The following ANKRD46 variants were observed in gnomAD, a reference collection of about 807,000 sequenced individuals.
ANKRD46 encodes ankyrin repeat domain 46, also known as ankyrin repeat domain-containing protein 46.
In ANKRD46, 13 loss-of-function variants were observed where a neutral mutation model predicts 19.8. That is an observed-to-expected ratio of 0.66 (90% CI 0.43 to 1.04). The LOEUF is 1.04. ANKRD46 is among the 50% of genes least tolerant of loss of function. The pLI is 0.00. For missense variants in ANKRD46, 185 were observed against 274.8 expected (o/e 0.67, Z 2.31); for synonymous variants, 91 against 106.9 (o/e 0.85, Z 0.92).
At chr8:100,517,524 T>A (rs557636260), downstream of ANKRD46, among the ~76,000 whole-genome samples, 8 of 152,212 alleles carry the variant, frequency 5.3e-5, no homozygotes, top group African/African-American at 7.2e-5. Context: ...CCTTGACATC[T>A]AAGGAGTGTG....
chr8:100,541,484 C>T (rs1393657709), intron 1 of ANKRD46, among the ~76,000 whole-genome samples: 1 of 152,226 alleles, frequency 6.6e-6, no homozygotes, highest in Non-Finnish European at 1.5e-5. Flanking sequence ...GGTGCTTTCA[C>T]TGTTATGTGA....
chr8:100,520,371 T>G (rs1811700882), downstream of ANKRD46, among the ~76,000 whole-genome samples: 2 of 152,126 alleles, frequency 1.3e-5, no homozygotes, highest in South Asian at 4.1e-4. Context: ...CAAGCATAAT[T>G]GGGGCTGGAG....
Position 100,550,991 on chromosome 8 carries a change from TC to T in ANKRD46, c.-131+8719del. 1 of 547,206 alleles carries T rather than the reference TC, an allele frequency of 1.8e-6. No homozygotes were observed. Among genetic ancestry groups the T allele is most frequent in the South Asian group, 1.6e-5 (1 of 61,632 alleles). The allele number at this position is 547,206 out of a possible 1,614,324, so 33.9% of individuals were successfully genotyped here. Reference sequence around the variant, plus strand: ...AGGTTTCTCCAGATGGCAGGTCAGGTCCACAACCAACACGTTTGCAGAAGGA... The same window carrying T: ...AGGTTTCTCCAGATGGCAGGTCAGGTCACAACCAACACGTTTGCAGAAGGA... On this transcript the variant is annotated intron_variant, in intron 1 of 4. Transcript: ENST00000335659. The surrounding 1 kb of genome is among the most constrained non-coding windows in gnomAD (Gnocchi z 4.4).
intron 5 of ANKRD46, among the ~76,000 whole-genome samples, chr8:100,515,692 GA>G (rs1811619531): frequency 6.6e-6 from 1 of 151,882 alleles, no homozygotes; most frequent in South Asian, 2.1e-4. Context: ...GCGTGTGAGG[GA>G]GGGGCAGTAT....
intron 1 of ANKRD46, among the ~76,000 whole-genome samples, chr8:100,552,381 CT>C (rs35402744): frequency 0.015 from 2,116 of 139,772 alleles, 33 homozygotes; most frequent in African/African-American, 0.043. Context: ...TACTTTGGCG[CT>C]TTTTTTTTTT....
At position 100,510,893 on chromosome 8, in the gene ANKRD46, A is replaced by T. The variant is rs1811538916; in HGVS notation, c.637-254T>A. On this transcript the variant is annotated intron_variant, in intron 5 of 5. Transcript: ENST00000520552. This position sits in a 1 kb window ranked among gnomAD's most constrained non-coding sequence, Gnocchi z 4.9. ...TCAATGTCCTCTCGAGCTAATAATT[A>T]AGGTATTATTTAATGAAAGCTCAAA... Among the ~76,000 whole-genome samples, 1 of 152,120 alleles carries T rather than the reference A, an allele frequency of 6.6e-6. No individual in the cohort carries two copies. Among genetic ancestry groups the T allele is most frequent in the African/African-American group, 2.4e-5 (1 of 41,422 alleles).
intron 5 of ANKRD46, among the ~76,000 whole-genome samples, chr8:100,513,912 C>A (rs1811588511): frequency 6.6e-6 from 1 of 152,180 alleles, no homozygotes; most frequent in African/African-American, 2.4e-5. Flanking sequence ...TGCCAGTGAC[C>A]TAGAAACTAC....
At chr8:100,517,107 T>G (rs1160636707), downstream of ANKRD46, among the ~76,000 whole-genome samples, 2 of 152,150 alleles carry the variant, frequency 1.3e-5, no homozygotes, top group Non-Finnish European at 2.9e-5. Flanking sequence ...AGTTAATAAG[T>G]ATAGCATTAC....
At chr8:100,538,043 G>A (rs1348869122) in intron 1 of ANKRD46, among the ~76,000 whole-genome samples, 1 of 152,140 alleles carries the variant, frequency 6.6e-6, no homozygotes, top group African/African-American at 2.4e-5. Context: ...CAAGAAATGG[G>A]TCTGATTTGT....
chr8:100,511,345 G>A lies in ANKRD46; in HGVS notation c.637-706C>T. Among the ~76,000 whole-genome samples, 1 of 152,132 alleles carries A rather than the reference G, an allele frequency of 6.6e-6. No homozygotes were observed. The highest frequency in any genetic ancestry group is 1.5e-5 in the Non-Finnish European group (1 of 68,024). On this transcript the variant is annotated intron_variant, in intron 5 of 5. Transcript: ENST00000520552. This position sits in a 1 kb window ranked among gnomAD's most constrained non-coding sequence, Gnocchi z 4.1. ...CCTGTGCTCACCACCACACTCTTCTGCCTCCCAGTCACAAAAGAGTGGGTG... is the reference window on the plus strand; with the variant it reads ...CCTGTGCTCACCACCACACTCTTCTACCTCCCAGTCACAAAAGAGTGGGTG...
chr8:100,536,796 G>A lies in ANKRD46; in HGVS notation c.-130-3485C>T, dbSNP rs991129944. ...AACAGTGTCCACTGACTGGTTCAGAGGCAGACTAGCTGGCATTGTTAAAAG... is the reference window on the plus strand; with the variant it reads ...AACAGTGTCCACTGACTGGTTCAGAAGCAGACTAGCTGGCATTGTTAAAAG... On this transcript the variant is annotated intron_variant, in intron 1 of 4. Coordinates refer to ENST00000335659, the MANE Select transcript of ANKRD46 (RefSeq NM_001270377.2). The surrounding 1 kb of genome is among the most constrained non-coding windows in gnomAD (Gnocchi z 4.9). Among the ~76,000 whole-genome samples, 4 of 152,200 alleles carry A rather than the reference G, an allele frequency of 2.6e-5. No homozygotes were observed. Among genetic ancestry groups the A allele is most frequent in the African/African-American group, 9.7e-5 (4 of 41,450 alleles).
chr8:100,542,627 G>T (rs1334731355), intron 1 of ANKRD46, among the ~76,000 whole-genome samples: 1 of 152,048 alleles, frequency 6.6e-6, no homozygotes, highest in African/African-American at 2.4e-5. Context: ...TTTTGGGAAG[G>T]AGTCTTTTTT....
At chr8:100,517,165 T>C (rs1811647295), downstream of ANKRD46, among the ~76,000 whole-genome samples, 1 of 152,232 alleles carries the variant, frequency 6.6e-6, no homozygotes, top group Non-Finnish European at 1.5e-5. Flanking sequence ...TGGGCACTAC[T>C]ATTAGCACAG....
intron 1 of ANKRD46, chr8:100,554,682 GCCA>G (rs1812458546): frequency 1.3e-5 from 2 of 152,212 alleles, no homozygotes; most frequent in East Asian, 3.9e-4. Context: ...CCATGATTGT[GCCA>G]CTGCACTCCA....
At position 100,525,215 on chromosome 8, in the gene ANKRD46, G is replaced by A. The variant is rs1318642732; in HGVS notation, c.471-2444C>T. 1.3e-5 allele frequency among the ~76,000 whole-genome samples: 2 copies of A among 152,122 alleles called. No individual in the cohort carries two copies. Among genetic ancestry groups the A allele is most frequent in the African/African-American group, 4.8e-5 (2 of 41,428 alleles). On this transcript the variant is annotated intron_variant, in intron 4 of 4. Coordinates refer to ENST00000335659, the MANE Select transcript of ANKRD46 (RefSeq NM_001270377.2). This position sits in a 1 kb window ranked among gnomAD's most constrained non-coding sequence, Gnocchi z 4.4. ...ACACAATTATGCCATAATGCCATGT[G>A]CTAGCCAATCTCTTTAAACTTTTTC...
Position 100,550,953 on chromosome 8 carries a change from C to A in ANKRD46, c.-131+8758G>T. On this transcript the variant is annotated intron_variant, in intron 1 of 4. Transcript: ENST00000335659. This position sits in a 1 kb window ranked among gnomAD's most constrained non-coding sequence, Gnocchi z 4.4. ...GCCTGCTTCACCACCTTTTTGATGT[C>A]ATCATATTTGGCAGGTTTCTCCAGA... 1 of 595,840 alleles carries A rather than the reference C, an allele frequency of 1.7e-6. No homozygotes were observed. The highest frequency in any genetic ancestry group is 3.1e-6 in the Non-Finnish European group (1 of 319,094). The allele number at this position is 595,840 out of a possible 1,614,324, so 36.9% of individuals were successfully genotyped here. A position where few individuals can be genotyped will look rare whatever the true frequency, so the allele number is the denominator to read the frequency against.
In ANKRD46 at chr8:100,521,659, T is replaced by C. The variant is rs1811726611; in HGVS notation, c.*896A>G. 1 of 985,456 alleles carries C rather than the reference T, an allele frequency of 1.0e-6. No homozygotes were observed. Among genetic ancestry groups the C allele is most frequent in the Non-Finnish European group, 1.2e-6 (1 of 829,910 alleles). 61.0% of individuals were successfully genotyped at this position (985,456 alleles called of 1,614,324 possible). A position where few individuals can be genotyped will look rare whatever the true frequency, so the allele number is the denominator to read the frequency against. On this transcript the variant is annotated 3_prime_UTR_variant, in exon 5 of 5. Transcript: ENST00000335659. ...TTGCACATGAAATAATTATGAACTA[T>C]GATAAAACTGTGACAACACAGCTAG...
chr8:100,510,749 A>T lies in ANKRD46; in HGVS notation c.637-110T>A. 1.0e-6 allele frequency: 1 copy of T among 1,002,694 alleles called. No homozygotes were observed. The highest frequency in any genetic ancestry group is 2.7e-5 in the East Asian group (1 of 37,370). 62.1% of individuals were successfully genotyped at this position (1,002,694 alleles called of 1,614,324 possible). A position where few individuals can be genotyped will look rare whatever the true frequency, so the allele number is the denominator to read the frequency against. On this transcript the variant is annotated intron_variant, in intron 5 of 5. Transcript: ENST00000520552. The surrounding 1 kb of genome is among the most constrained non-coding windows in gnomAD (Gnocchi z 4.9). ...TCATAAATATATAGAACCAGAAAGC[A>T]CAGGCTTGCTTCTCCTCTGCCCATC...
At position 100,540,095 on chromosome 8, in the gene ANKRD46, T is replaced by C. The variant is rs536240089; in HGVS notation, c.-130-6784A>G. On this transcript the variant is annotated intron_variant, in intron 1 of 4. Transcript: ENST00000335659. ...GTATTCTACATTTATTAAGTTATAC[T>C]GCAGGCACAGTTCTAAGTGTTTTTC... Among the ~76,000 whole-genome samples the C allele has an allele frequency of 7.2e-5, 11 of 152,354 alleles. No individual in the cohort carries two copies. In the South Asian group the frequency reaches 2.3e-3, roughly 32 times the overall value.
Sources: gnomAD v4.1 joint callset for allele counts (sites outside exome capture counted in the v4.1 genomes callset) on GRCh38, gnomAD v4.1.1 for gene constraint, Gnocchi (gnomAD v3.1) non-coding constraint, MANE v1.5 for transcripts, NCBI Gene and HGNC (gene_info 2026-07-23, HGNC 2026-07-21) for gene names.